The following CNTN5 variants were observed in gnomAD, a reference collection of about 807,000 sequenced individuals.
CNTN5 encodes contactin 5.
A neutral mutation model predicts 129.1 loss-of-function variants in CNTN5; 77 were observed. That is an observed-to-expected ratio of 0.60 (90% confidence interval 0.50 to 0.72). CNTN5 has a LOEUF of 0.72. Ranked by LOEUF, CNTN5 falls within the 30% of genes least tolerant of loss-of-function variation. The pLI, the probability that CNTN5 is intolerant of heterozygous loss-of-function variation, is 0.00. For missense variants in CNTN5, 1,478 were observed against 1,328.8 expected (o/e 1.11, Z -1.75); for synonymous variants, 509 against 465.6 (o/e 1.09, Z -1.20).
chr11:99,952,236 C>T (rs903256215), intron 7 of CNTN5, among the ~76,000 whole-genome samples: 2 of 152,088 alleles, frequency 1.3e-5, no homozygotes, highest in African/African-American at 4.8e-5. Context: ...TGGGTACAAA[C>T]TTTCAAAAAA....
intron 21 of CNTN5, chr11:100,309,038 G>C (rs1951414817): frequency 1.0e-6 from 1 of 984,928 alleles, no homozygotes; most frequent in Non-Finnish European, 1.2e-6. Context: ...GCAGAGAATA[G>C]CAGATTGTGA....
intron 9 of CNTN5, among the ~76,000 whole-genome samples, chr11:100,017,987 T>TG (rs965931088): frequency 9.9e-5 from 15 of 152,022 alleles, no homozygotes; most frequent in African/African-American, 1.7e-4. Context: ...GACTTTTGTT[T>TG]GGGGGGGTAA....
At chr11:99,826,792 T>C (rs758335784) in intron 4 of CNTN5, among the ~76,000 whole-genome samples, 60 of 152,152 alleles carry the variant, frequency 3.9e-4, no homozygotes, top group Non-Finnish European at 8.2e-4. Context: ...ACAGCAAGCC[T>C]CCATTAATCA....
intron 1 of CNTN5, among the ~76,000 whole-genome samples, chr11:99,054,757 G>A (rs2135187884): frequency 6.6e-6 from 1 of 151,942 alleles, no homozygotes; most frequent in South Asian, 2.1e-4. Flanking sequence ...GAAGGCTCAA[G>A]GGGTAGGGTA....
chr11:99,065,689 AC>A (rs2135228843), intron 1 of CNTN5, among the ~76,000 whole-genome samples: 1 of 152,228 alleles, frequency 6.6e-6, no homozygotes, highest in Non-Finnish European at 1.5e-5. Context: ...CACTTTTGAA[AC>A]CATACCACCT....
chr11:99,234,139 T>C (rs1861147180), intron 1 of CNTN5, among the ~76,000 whole-genome samples: 3 of 152,138 alleles, frequency 2.0e-5, no homozygotes, highest in African/African-American at 7.2e-5. Flanking sequence ...TGGATTAACC[T>C]GAATGAATTT....
At chr11:100,107,093 T>A (rs12285013) in intron 13 of CNTN5, among the ~76,000 whole-genome samples, 1,719 of 152,298 alleles carry the variant, frequency 0.011, 37 homozygotes, top group African/African-American at 0.039. Context: ...ATTGATAGTT[T>A]CTAGTTTTGA....
intron 2 of CNTN5, among the ~76,000 whole-genome samples, chr11:99,442,929 G>T (rs548633404): frequency 8.5e-5 from 13 of 152,280 alleles, no homozygotes; most frequent in African/African-American, 3.1e-4. Context: ...ACTGTGATTG[G>T]CCAGACTTAT....
At chr11:99,258,069 G>C (rs547129524) in intron 1 of CNTN5, among the ~76,000 whole-genome samples, 1 of 152,142 alleles carries the variant, frequency 6.6e-6, no homozygotes, top group South Asian at 2.1e-4. Context: ...AATTCTCGCG[G>C]AGTTTTGAAA....
In CNTN5 at chr11:100,224,759, G is replaced by A; in HGVS notation, c.1952G>A (p.Arg651Lys). The A allele has an allele frequency of 1.2e-6, 2 of 1,613,236 alleles. No homozygotes were observed. Among genetic ancestry groups the A allele is most frequent in the Non-Finnish European group, 1.7e-6 (2 of 1,179,336 alleles). The part of the protein sequence containing the change: ...LLMHAGRYGC[R>K]VQTTADSVSD... The stretch of plus-strand genomic sequence containing the variant: ...ATGCATGCTGGGAGATATGGCTGCA[G>A]GGTACAGACCACAGCAGACAGTGTG... Residue 651 changes from arginine to lysine, a missense_variant, in exon 16 of 25, where the codon AGG becomes AAG. By Grantham distance (26) the Arg-to-Lys change is conservative. Transcript: ENST00000524871.
At chr11:99,087,762 T>C (rs1350386499) in intron 1 of CNTN5, among the ~76,000 whole-genome samples, 1 of 152,238 alleles carries the variant, frequency 6.6e-6, no homozygotes, top group African/African-American at 2.4e-5. Flanking sequence ...CAAAATGTAT[T>C]ACAGTTAGGT....
intron 3 of CNTN5, among the ~76,000 whole-genome samples, chr11:99,640,747 G>C (rs80194379): frequency 0.011 from 1,624 of 152,242 alleles, 36 homozygotes; most frequent in African/African-American, 0.036. Flanking sequence ...TATGTAGTAA[G>C]CTGTACTACC....
At chr11:100,329,010 G>A (rs1425989482) in intron 21 of CNTN5, among the ~76,000 whole-genome samples, 3 of 152,138 alleles carry the variant, frequency 2.0e-5, no homozygotes, top group Non-Finnish European at 4.4e-5. Context: ...TCAACGAGGA[G>A]GCATGCAGTC....
chr11:100,328,306 A>G (rs1951830623), intron 21 of CNTN5, among the ~76,000 whole-genome samples: 1 of 152,172 alleles, frequency 6.6e-6, no homozygotes, highest in Non-Finnish European at 1.5e-5. Context: ...CAGTAAGCTC[A>G]GATCATGCCA....
intron 3 of CNTN5, among the ~76,000 whole-genome samples, chr11:99,573,302 G>C (rs1949235018): frequency 6.6e-6 from 1 of 152,050 alleles, no homozygotes; most frequent in African/African-American, 2.4e-5. Flanking sequence ...CGGGTGCAGT[G>C]GCTCACGCCT....
Position 99,647,308 on chromosome 11 carries a change from C to T in CNTN5, c.55+91039C>T, listed in dbSNP as rs77882565. 8.7e-3 allele frequency among the ~76,000 whole-genome samples: 1,328 copies of T among 152,102 alleles called. 19 individuals carry two copies. The highest frequency in any genetic ancestry group is 0.029 in the African/African-American group (1,187 of 41,516). On this transcript the variant is annotated intron_variant, in intron 3 of 24. Transcript: ENST00000524871. ...TTTTTAAAGAGACTGTACTTTCCCC[C>T]GTGAAAGTTCTTGGCACCTTTGTCA...
intron 1 of CNTN5, among the ~76,000 whole-genome samples, chr11:99,120,661 T>C (rs918367663): frequency 6.6e-6 from 1 of 152,172 alleles, no homozygotes; most frequent in Non-Finnish European, 1.5e-5. Context: ...CTCTGATAGA[T>C]TTCCATAGGT....
chr11:99,390,327 C>A (rs186289823), intron 2 of CNTN5, among the ~76,000 whole-genome samples: 1 of 152,200 alleles, frequency 6.6e-6, no homozygotes, highest in African/African-American at 2.4e-5. Context: ...CCATATTGCC[C>A]ACACTGGTCT....
chr11:99,131,249 G>GAAAAAAAAAAAA (rs71046664), intron 1 of CNTN5, among the ~76,000 whole-genome samples: 2 of 67,182 alleles, frequency 3.0e-5, no homozygotes, highest in African/African-American at 7.2e-5. Context: ...CTCCATCTCA[G>GAAAAAAAAAAAA]AAAAAAAAAA....
Sources: allele counts gnomAD v4.1 joint callset (sites outside exome capture counted in the v4.1 genomes callset), GRCh38; gene constraint gnomAD v4.1.1; transcripts MANE v1.5; gene names NCBI Gene and HGNC (gene_info 2026-07-23, HGNC 2026-07-21).